The following LRRC8B variants were observed in gnomAD, a reference collection of about 807,000 sequenced individuals.
The protein encoded by LRRC8B is volume-regulated anion channel subunit LRRC8B.
Under a neutral mutation model 58.8 loss-of-function variants are expected in LRRC8B, and 23 were observed. That is an observed-to-expected ratio of 0.39 (90% CI 0.28 to 0.55). The LOEUF is 0.55. Ranked by LOEUF, LRRC8B falls within the 20% of genes least tolerant of loss-of-function variation. LRRC8B has a pLI of 0.62. For synonymous variants in LRRC8B, 359 were observed against 374.1 expected (o/e 0.96, Z 0.47); for missense variants, 694 against 936.0 (o/e 0.74, Z 3.37).
At chr1:89,559,016 T>G (rs1331846937) in intron 1 of LRRC8B, 2 of 152,076 alleles carry the variant, frequency 1.3e-5, no homozygotes, top group East Asian at 3.9e-4. Context: ...AACCTGAGAT[T>G]CGGGGATCAA....
intron 1 of LRRC8B, among the ~76,000 whole-genome samples, chr1:89,527,683 A>G (rs375117080): frequency 1.3e-5 from 2 of 152,336 alleles, no homozygotes; most frequent in African/African-American, 4.8e-5. Context: ...ACATGCCTTT[A>G]TTATGACTTA....
At chr1:89,590,963 T>C (rs149073399) in intron 5 of LRRC8B, among the ~76,000 whole-genome samples, 112 of 152,216 alleles carry the variant, frequency 7.4e-4, no homozygotes, top group African/African-American at 2.6e-3. Flanking sequence ...AACTGGTGGG[T>C]AGAGGCTGAG....
At chr1:89,578,844 A>G (rs1307466917) in intron 3 of LRRC8B, among the ~76,000 whole-genome samples, 6 of 152,200 alleles carry the variant, frequency 3.9e-5, no homozygotes, top group African/African-American at 1.2e-4. Flanking sequence ...AATTATCAAT[A>G]TATATGTAAT....
intron 1 of LRRC8B, among the ~76,000 whole-genome samples, chr1:89,529,988 T>C (rs564903601): frequency 6.6e-6 from 1 of 151,536 alleles, no homozygotes; most frequent in African/African-American, 2.4e-5. Context: ...GGGACCATAC[T>C]GGGGAGGACA....
At chr1:89,577,714 A>G (rs1230290449) in intron 3 of LRRC8B, among the ~76,000 whole-genome samples, 4 of 152,192 alleles carry the variant, frequency 2.6e-5, no homozygotes, top group African/African-American at 7.2e-5. Context: ...TTAAATATTA[A>G]GTTTTAGTTC....
rs1557632384 is a variant in LRRC8B, at chr1:89,596,536, TGATGGGTTCAAAAACC to T, written c.*3494_*3509del. On this transcript the variant is annotated 3_prime_UTR_variant, in exon 6 of 6. Coordinates refer to ENST00000330947, the MANE Select transcript of LRRC8B (RefSeq NM_001369817.2). ...GTTTAATTAAAATATTGCATAATAT[TGATGGGTTCAAAAACC>T]ATTAAAATAATCAAACAATTATTCT... 24 of 152,290 alleles carry T rather than the reference TGATGGGTTCAAAAACC, an allele frequency of 1.6e-4. No homozygotes were observed. Among genetic ancestry groups the T allele is most frequent in the African/African-American group, 5.5e-4 (23 of 41,574 alleles). 9.4% of individuals were successfully genotyped at this position (152,290 alleles called of 1,614,324 possible). A position where few individuals can be genotyped will look rare whatever the true frequency, so the allele number is the denominator to read the frequency against.
Position 89,568,481 on chromosome 1 carries a change from C to T in LRRC8B, c.-137C>T, listed in dbSNP as rs1218129464. ...ACTAATTGCAGAGGTTCCAGTTGAC[C>T]AGCATTCATAGGGTAAGATTAACAT... On this transcript the variant is annotated 5_prime_UTR_variant, in exon 3 of 6. Transcript: ENST00000330947. 4.6e-5 allele frequency: 7 copies of T among 152,000 alleles called. No individual in the cohort carries two copies. The highest frequency in any genetic ancestry group is 8.8e-5 in the Non-Finnish European group (6 of 67,960). 9.4% of individuals were successfully genotyped at this position (152,000 alleles called of 1,614,324 possible). A position where few individuals can be genotyped will look rare whatever the true frequency, so the allele number is the denominator to read the frequency against.
At chr1:89,533,516 T>C (rs751244199) in intron 1 of LRRC8B, among the ~76,000 whole-genome samples, 30 of 152,158 alleles carry the variant, frequency 2.0e-4, no homozygotes, top group Admixed American at 8.5e-4. Context: ...CACAGAACCA[T>C]CTTTCTAGGC....
chr1:89,551,601 A>C (rs369710551), intron 1 of LRRC8B, among the ~76,000 whole-genome samples: 2 of 152,218 alleles, frequency 1.3e-5, no homozygotes, highest in Non-Finnish European at 2.9e-5. Context: ...GCAAATGCTC[A>C]ATGAATTCTC....
intron 1 of LRRC8B, among the ~76,000 whole-genome samples, chr1:89,552,748 C>T (rs181015656): frequency 2.6e-5 from 4 of 152,278 alleles, no homozygotes; most frequent in East Asian, 1.9e-4. Flanking sequence ...GTTCACCAGG[C>T]GGGTTGGTGA....
chr1:89,525,626 A>G (rs924635260), intron 1 of LRRC8B, among the ~76,000 whole-genome samples: 3 of 152,252 alleles, frequency 2.0e-5, no homozygotes, highest in African/African-American at 7.2e-5. Context: ...AGAAGACTCA[A>G]GAGTTTCCCC....
intron 1 of LRRC8B, among the ~76,000 whole-genome samples, chr1:89,564,718 G>A (rs1436033826): frequency 6.6e-6 from 1 of 152,140 alleles, no homozygotes; most frequent in African/African-American, 2.4e-5. Flanking sequence ...ATCAGATATT[G>A]GTGATACAGT....
At chr1:89,551,603 T>A (rs1407391875) in intron 1 of LRRC8B, among the ~76,000 whole-genome samples, 1 of 152,208 alleles carries the variant, frequency 6.6e-6, no homozygotes, top group Admixed American at 6.6e-5. Flanking sequence ...AAATGCTCAA[T>A]GAATTCTCCC....
chr1:89,581,222 C>T (rs371871702), intron 4 of LRRC8B, among the ~76,000 whole-genome samples: 81 of 147,688 alleles, frequency 5.5e-4, no homozygotes, highest in African/African-American at 1.9e-3. Context: ...TTGTTTGGAC[C>T]CAGGAGGTGG....
chr1:89,577,793 G>A (rs984323834), intron 3 of LRRC8B, among the ~76,000 whole-genome samples: 1 of 151,564 alleles, frequency 6.6e-6, no homozygotes, highest in African/African-American at 2.4e-5. Context: ...AGACATTACA[G>A]AAAACTACAT....
chr1:89,569,500 G>T (rs776436466), intron 3 of LRRC8B, among the ~76,000 whole-genome samples: 1 of 151,938 alleles, frequency 6.6e-6, no homozygotes, highest in Non-Finnish European at 1.5e-5. Flanking sequence ...AGTGTCTGTT[G>T]TTCCCATCTT....
intron 1 of LRRC8B, among the ~76,000 whole-genome samples, chr1:89,562,506 C>G (rs1652752290): frequency 6.6e-6 from 1 of 151,892 alleles, no homozygotes; most frequent in Non-Finnish European, 1.5e-5. Flanking sequence ...TGGTCTCACT[C>G]TGTCACCCAG....
intron 1 of LRRC8B, among the ~76,000 whole-genome samples, chr1:89,533,838 A>AC (rs1167304392): frequency 6.6e-6 from 1 of 152,200 alleles, no homozygotes; most frequent in African/African-American, 2.4e-5. Context: ...TCAATAACGT[A>AC]CTTTTGACTG....
intron 1 of LRRC8B, among the ~76,000 whole-genome samples, chr1:89,543,485 G>C (rs1651172855): frequency 6.6e-6 from 1 of 151,598 alleles, no homozygotes; most frequent in Non-Finnish European, 1.5e-5. Flanking sequence ...TATTATCTAA[G>C]TTTTGAAAAA....
Sources: allele counts gnomAD v4.1 joint callset (sites outside exome capture counted in the v4.1 genomes callset), GRCh38; gene constraint gnomAD v4.1.1; transcripts MANE v1.5; gene names NCBI Gene and HGNC (gene_info 2026-07-23, HGNC 2026-07-21).